Variants in TRAPPC9 observed in about 807,000 individuals in gnomAD.
The protein encoded by TRAPPC9 is IKK2 binding protein.
A neutral mutation model predicts 124.0 loss-of-function variants in TRAPPC9; 83 were observed. That is an observed-to-expected ratio of 0.67 (90% CI 0.56 to 0.80). The LOEUF (loss-of-function observed/expected upper bound fraction) is 0.80, where lower values mean the gene tolerates loss of function less well. TRAPPC9 is among the 30% of genes least tolerant of loss of function. TRAPPC9 has a pLI of 0.00. For missense variants in TRAPPC9, 1,302 were observed against 1,508.3 expected, an observed-to-expected ratio of 0.86 and a Z score of 2.27; for synonymous variants, 638 against 617.5, an observed-to-expected ratio of 1.03 and a Z score of -0.49.
At chr8:140,064,990 C>A (rs1842834680) in intron 17 of TRAPPC9, among the ~76,000 whole-genome samples, 1 of 152,196 alleles carries the variant, frequency 6.6e-6, no homozygotes, top group Admixed American at 6.5e-5. Context: ...CAACTGTCAT[C>A]TCCCCTTCCT....
chr8:139,923,173 G>C (rs533610995), intron 19 of TRAPPC9, among the ~76,000 whole-genome samples: 1 of 151,528 alleles, frequency 6.6e-6, no homozygotes, highest in Admixed American at 6.6e-5. Flanking sequence ...AGCCTCCATG[G>C]AAATAAACAT....
At chr8:140,226,788 C>T (rs921860275) in intron 16 of TRAPPC9, among the ~76,000 whole-genome samples, 9 of 150,860 alleles carry the variant, frequency 6.0e-5, no homozygotes, top group South Asian at 4.2e-4. Context: ...AAAAGTACTT[C>T]AGAAAAACAC....
At chr8:140,288,592 G>T (rs950151850) in intron 12 of TRAPPC9, among the ~76,000 whole-genome samples, 7 of 152,024 alleles carry the variant, frequency 4.6e-5, no homozygotes, top group Non-Finnish European at 8.8e-5. Flanking sequence ...GAAAAAGGAA[G>T]AAAAGTCATA....
chr8:140,044,599 G>C (rs1841471828), intron 17 of TRAPPC9, among the ~76,000 whole-genome samples: 1 of 152,236 alleles, frequency 6.6e-6, no homozygotes, highest in Admixed American at 6.5e-5. Context: ...GCACAGCACA[G>C]AGCCTGGCAA....
intron 21 of TRAPPC9, among the ~76,000 whole-genome samples, chr8:139,753,327 C>A (rs1819491280): frequency 2.9e-5 from 4 of 136,870 alleles, no homozygotes; most frequent in African/African-American, 7.7e-5. Flanking sequence ...CACCATCCAC[C>A]CATCCACCCA....
At chr8:140,154,970 G>A (rs2061604024) in intron 17 of TRAPPC9, among the ~76,000 whole-genome samples, 1 of 152,142 alleles carries the variant, frequency 6.6e-6, no homozygotes. Flanking sequence ...ATACCATGTA[G>A]GGCATCCTGT....
At chr8:140,052,392 T>A (rs1328658972) in intron 17 of TRAPPC9, among the ~76,000 whole-genome samples, 1 of 152,196 alleles carries the variant, frequency 6.6e-6, no homozygotes, top group Non-Finnish European at 1.5e-5. Flanking sequence ...ATCCCAGCAC[T>A]TTGAGAGGCT....
At chr8:140,105,222 A>C (rs2060642814) in intron 17 of TRAPPC9, among the ~76,000 whole-genome samples, 1 of 152,240 alleles carries the variant, frequency 6.6e-6, no homozygotes, top group Non-Finnish European at 1.5e-5. Context: ...TGTCAAGGGA[A>C]ATGGCGACTG....
At chr8:139,991,522 G>A (rs1837643020) in intron 18 of TRAPPC9, among the ~76,000 whole-genome samples, 1 of 151,558 alleles carries the variant, frequency 6.6e-6, no homozygotes, top group South Asian at 2.1e-4. Context: ...GGCTTTGGAT[G>A]CTTGGTTTTA....
intron 21 of TRAPPC9, among the ~76,000 whole-genome samples, chr8:139,733,051 G>T (rs1309774954): frequency 1.3e-5 from 2 of 152,116 alleles, no homozygotes; most frequent in African/African-American, 4.8e-5. Flanking sequence ...AGGGTGGCAG[G>T]TTTCATGGTG....
chr8:140,197,639 A>G (rs2062699753), intron 17 of TRAPPC9, among the ~76,000 whole-genome samples: 1 of 152,170 alleles, frequency 6.6e-6, no homozygotes, highest in African/African-American at 2.4e-5. Context: ...CCAGATACGT[A>G]TTGACATTTG....
intron 17 of TRAPPC9, among the ~76,000 whole-genome samples, chr8:140,059,826 T>G (rs2132131557): frequency 6.6e-6 from 1 of 152,342 alleles, no homozygotes; most frequent in South Asian, 2.1e-4. Flanking sequence ...AGCTGCATTT[T>G]CAGCTCTAAA....
chr8:139,813,102 A>T (rs1017027944), intron 21 of TRAPPC9, among the ~76,000 whole-genome samples: 7 of 152,210 alleles, frequency 4.6e-5, no homozygotes, highest in African/African-American at 1.7e-4. Flanking sequence ...GCCGGGTGCC[A>T]GCTGCTCAAG....
chr8:140,376,871 CT>C (rs1489233117), intron 7 of TRAPPC9, among the ~76,000 whole-genome samples: 12 of 79,840 alleles, frequency 1.5e-4, no homozygotes, highest in Admixed American at 1.4e-3. Context: ...GAGGCTCCAT[CT>C]CAAAAAAAAA....
At chr8:140,007,170 T>C (rs1336536236) in intron 18 of TRAPPC9, among the ~76,000 whole-genome samples, 1 of 152,180 alleles carries the variant, frequency 6.6e-6, no homozygotes, top group Non-Finnish European at 1.5e-5. Flanking sequence ...GTTGAAACTT[T>C]GTTACACTGT....
chr8:140,088,945 T>C (rs893995719), intron 17 of TRAPPC9, among the ~76,000 whole-genome samples: 11 of 152,356 alleles, frequency 7.2e-5, no homozygotes, highest in African/African-American at 2.6e-4. Context: ...CGGGTCTGTT[T>C]GAAGGTTTCT....
chr8:140,010,059 T>C (rs1839021386), intron 18 of TRAPPC9, among the ~76,000 whole-genome samples: 1 of 152,238 alleles, frequency 6.6e-6, no homozygotes, highest in Non-Finnish European at 1.5e-5. Context: ...GACCAAAATC[T>C]AGAAATTACT....
At position 140,311,267 on chromosome 8, in the gene TRAPPC9, T is replaced by C. The variant is rs756125925; in HGVS notation, c.1603A>G (p.Thr535Ala). 4 of 1,612,334 alleles carry C rather than the reference T, an allele frequency of 2.5e-6. No individual in the cohort carries two copies. Among genetic ancestry groups the C allele is most frequent in the Non-Finnish European group, 2.5e-6 (3 of 1,179,972 alleles). Residue 535 changes from threonine (T) to alanine (A), a missense_variant, in exon 10 of 23, where the codon ACC (threonine) becomes GCC (alanine). Physicochemically the swap from Thr to Ala is moderately conservative, Grantham distance 58. Coordinates refer to ENST00000438773, the MANE Select transcript of TRAPPC9 (RefSeq NM_001160372.4). Reference protein sequence around the residue: ...GGLTLPPVPFTKLPIVRHVKL... With the variant: ...GGLTLPPVPFAKLPIVRHVKL... ...TCTCACCTGACGATGGGAAGCTTGG[T>C]GAAGGGCACCGGTGGCAGGGTGAGG...
intron 7 of TRAPPC9, among the ~76,000 whole-genome samples, chr8:140,396,207 T>G (rs1042649062): frequency 1.4e-5 from 2 of 148,068 alleles, no homozygotes; most frequent in African/African-American, 5.0e-5. Context: ...AGTGGTGTGA[T>G]CTTGGCTCAC....
Sources: allele counts gnomAD v4.1 joint callset (sites outside exome capture counted in the v4.1 genomes callset), GRCh38; gene constraint gnomAD v4.1.1; transcripts MANE v1.5; gene names NCBI Gene and HGNC (gene_info 2026-07-23, HGNC 2026-07-21).